The following ZP2 variants were observed in gnomAD, a reference collection of about 807,000 sequenced individuals.
ZP2 encodes the protein zona pellucida sperm-binding protein 2.
ZP2 carries 51 observed loss-of-function variants against 84.0 expected under a neutral mutation model. The ratio of observed to expected loss-of-function variants is 0.61; its 90% CI spans 0.49 to 0.77. The LOEUF is 0.77. Among genes scored for constraint, ZP2 ranks in the 30% least tolerant of loss-of-function variants. The pLI, the probability that ZP2 is intolerant of heterozygous loss-of-function variation, is 0.00. For missense variants in ZP2, 909 were observed against 911.9 expected, an observed-to-expected ratio of 1.00 and a Z score of 0.04; for synonymous variants, 375 against 330.9, an observed-to-expected ratio of 1.13 and a Z score of -1.45.
At chr16:21,203,489 G>A (rs1253498302) in intron 9 of ZP2, among the ~76,000 whole-genome samples, 1 of 152,158 alleles carries the variant, frequency 6.6e-6, no homozygotes, top group Non-Finnish European at 1.5e-5. Flanking sequence ...TTTGTACGAG[G>A]CACTAAAGCT....
intron 4 of ZP2, among the ~76,000 whole-genome samples, chr16:21,209,415 C>T (rs1024362654): frequency 7.2e-5 from 11 of 152,178 alleles, no homozygotes; most frequent in South Asian, 4.1e-4. Context: ...GTGATCCACC[C>T]GTCTCAGCCT....
intron 13 of ZP2, 43 bp from the exon 14 acceptor site, chr16:21,201,601 G>A: frequency 1.2e-6 from 2 of 1,603,002 alleles, no homozygotes; most frequent in Non-Finnish European, 1.7e-6. Flanking sequence ...CTGCAACACA[G>A]ATTCATAGGT....
At chr16:21,207,754 A>G (rs1350384241) in intron 4 of ZP2, among the ~76,000 whole-genome samples, 2 of 152,034 alleles carry the variant, frequency 1.3e-5, no homozygotes, top group African/African-American at 4.8e-5. Flanking sequence ...TGGTACTGAG[A>G]CATAGGGTAG....
chr16:21,207,274 G>A (rs896634599), intron 4 of ZP2, among the ~76,000 whole-genome samples: 2 of 152,074 alleles, frequency 1.3e-5, no homozygotes, highest in Admixed American at 6.6e-5. Context: ...AATGGGGTTG[G>A]TATGGGGCTT....
At chr16:21,212,943 A>G (rs2093280341), upstream of ZP2, among the ~76,000 whole-genome samples, 1 of 152,144 alleles carries the variant, frequency 6.6e-6, no homozygotes. Context: ...CCATGTTCCA[A>G]AATAGGTGGA....
upstream of ZP2, among the ~76,000 whole-genome samples, chr16:21,213,650 C>A (rs534312641): frequency 6.6e-6 from 1 of 152,032 alleles, no homozygotes; most frequent in Admixed American, 6.6e-5. Flanking sequence ...TTGGAGGGAG[C>A]GAGGCGAGAA....
rs2093225034 is a variant in ZP2, at chr16:21,201,495, G to T, written c.1568C>A (p.Pro523Gln). 1 of 1,613,744 alleles carries T rather than the reference G, an allele frequency of 6.2e-7. No homozygotes were observed. Among genetic ancestry groups the T allele is most frequent in the Non-Finnish European group, 8.5e-7 (1 of 1,179,890 alleles). Residue 523 changes from proline to glutamine, a missense_variant, in exon 14 of 19, where the codon CCA becomes CAA. Coordinates refer to ENST00000574091, the MANE Select transcript of ZP2 (RefSeq NM_001376232.1). ...EYPLVRFLRQ[P>Q]IYMEVRVLNR... ...TAGGACTCTCACTTCCATGTAAATT[G>T]GTTGGCGGAGGAATCTCACTAGAGG...
intron 14 of ZP2, among the ~76,000 whole-genome samples, chr16:21,200,164 G>A (rs1400554828): frequency 2.6e-5 from 4 of 152,322 alleles, no homozygotes; most frequent in South Asian, 2.1e-4. Flanking sequence ...TTGGCCAGGT[G>A]CAGTAGCTCA....
At chr16:21,199,960 G>A (rs528510338) in intron 14 of ZP2, 82 bp from the exon 15 acceptor site, 55 of 1,552,162 alleles carry the variant, frequency 3.5e-5, no homozygotes, top group Admixed American at 3.2e-4. Context: ...TTAGTCATAC[G>A]TAATATCTTC....
chr16:21,202,513 G>A (rs2093230858), intron 10 of ZP2, among the ~76,000 whole-genome samples: 1 of 152,204 alleles, frequency 6.6e-6, no homozygotes, highest in African/African-American at 2.4e-5. Context: ...ATCCAAAGGA[G>A]GGACCAGTAG....
chr16:21,204,779 G>A (rs1354100537), intron 7 of ZP2, among the ~76,000 whole-genome samples: 1 of 152,142 alleles, frequency 6.6e-6, no homozygotes, highest in East Asian at 1.9e-4. Flanking sequence ...TTACATCTCA[G>A]GACCTGTCCT....
Position 21,206,965 on chromosome 16 carries a change from C to T in ZP2, c.356G>A (p.Arg119Lys). ...RVHGGHQMTI[R>K]VMNNSAALRH... Reference sequence around the variant, plus strand: ...TAAGGCAGCACTGTTGTTCATGACTCTGATGGTCATCTGGTGTCCACCATG... The same window carrying T: ...TAAGGCAGCACTGTTGTTCATGACTTTGATGGTCATCTGGTGTCCACCATG... Residue 119 changes from arginine to lysine, a missense_variant, in exon 5 of 19, where the codon AGA becomes AAA. By Grantham distance (26) the Arg-to-Lys change is conservative (BLOSUM62 2). Transcript: ENST00000574091. The T allele has an allele frequency of 6.2e-7, 1 of 1,614,162 alleles. No individual in the cohort carries two copies. Among genetic ancestry groups the T allele is most frequent in the Non-Finnish European group, 8.5e-7 (1 of 1,180,018 alleles).
intron 4 of ZP2, among the ~76,000 whole-genome samples, chr16:21,208,784 TTC>T (rs1313315422): frequency 2.0e-5 from 3 of 152,210 alleles, no homozygotes; most frequent in Non-Finnish European, 4.4e-5. Flanking sequence ...TAGCTCGTGT[TTC>T]ATCACTTGTT....
At chr16:21,208,732 CAA>C (rs1179066772) in intron 4 of ZP2, among the ~76,000 whole-genome samples, 1 of 152,168 alleles carries the variant, frequency 6.6e-6, no homozygotes, top group Non-Finnish European at 1.5e-5. Context: ...TTGCTAGCAC[CAA>C]AATAGCCTTC....
intron 10 of ZP2, 31 bp from the exon 11 acceptor site, chr16:21,202,322 A>G (rs2093230180): frequency 6.7e-7 from 1 of 1,484,348 alleles, no homozygotes; most frequent in African/African-American, 1.4e-5. Context: ...AGAGAAAATA[A>G]GTTTGTCTGC....
At chr16:21,201,337 C>G in intron 14 of ZP2, 32 bp downstream of exon 14, 1 of 1,502,104 alleles carries the variant, frequency 6.7e-7, no homozygotes, top group Non-Finnish European at 8.9e-7. Flanking sequence ...GATGGATTAG[C>G]TGGGTAACCT....
chr16:21,203,722 A>C, intron 9 of ZP2: 1 of 447,876 alleles, frequency 2.2e-6, no homozygotes, highest in East Asian at 4.7e-5. Flanking sequence ...TGACCAGGAC[A>C]GATTCATCAT....
Position 21,204,225 on chromosome 16 carries a change from C to T in ZP2, c.791-14G>A, listed in dbSNP as rs2093239242. ...AGGTCACAGGATCTAGAAGGAATGA[C>T]AACAGAATGCCCATTACCAGCCTTG... On this transcript the variant is annotated splice_polypyrimidine_tract_variant and intron_variant, in intron 8 of 18. Transcript: ENST00000574091. The T allele has an allele frequency of 6.2e-7, 1 of 1,613,938 alleles. No individual in the cohort carries two copies. Among genetic ancestry groups the T allele is most frequent in the Non-Finnish European group, 8.5e-7 (1 of 1,179,982 alleles).
At chr16:21,205,301 T>G (rs1178264678) in intron 7 of ZP2, 119 bp downstream of exon 7, 1 of 1,228,880 alleles carries the variant, frequency 8.1e-7, no homozygotes, top group East Asian at 2.5e-5. Flanking sequence ...GTTTGGCACT[T>G]AATAGGCATT....
Sources: allele counts gnomAD v4.1 joint callset (sites outside exome capture counted in the v4.1 genomes callset), GRCh38; gene constraint gnomAD v4.1.1; transcripts MANE v1.5; gene names NCBI Gene and HGNC (gene_info 2026-07-23, HGNC 2026-07-21).